Variants in RAB38 observed in about 807,000 individuals in gnomAD.
The protein encoded by RAB38 is ras-related protein Rab-38.
In RAB38, 15 loss-of-function variants were observed where a neutral mutation model predicts 18.4. The observed-to-expected ratio is 0.82, with a 90% CI of 0.55 to 1.26. The LOEUF (loss-of-function observed/expected upper bound fraction) is 1.26, where lower values mean the gene tolerates loss of function less well. Ranked by LOEUF, RAB38 falls within the 50% of genes most tolerant of loss-of-function variation. The pLI, the probability that RAB38 is intolerant of heterozygous loss-of-function variation, is 0.00. For missense variants in RAB38, 294 were observed against 267.4 expected (o/e 1.10, Z -0.69); for synonymous variants, 101 against 104.4 (o/e 0.97, Z 0.20).
chr11:88,083,540 T>C, the RAB38 span, among the ~76,000 whole-genome samples: 1 of 152,030 alleles, frequency 6.6e-6, no homozygotes, highest in South Asian at 2.1e-4. Flanking sequence ...CTCCCGATGA[T>C]AATATAAATT....
At chr11:87,880,017 G>T in the RAB38 span, 3 of 151,518 alleles carry the variant, frequency 2.0e-5, no homozygotes, top group African/African-American at 2.4e-5. Context: ...GAGAATAGTG[G>T]TACATAGTAA....
chr11:87,957,668 A>T, the RAB38 span, among the ~76,000 whole-genome samples: 1 of 152,106 alleles, frequency 6.6e-6, no homozygotes, highest in Non-Finnish European at 1.5e-5. Flanking sequence ...ACCTGCTTTC[A>T]GGGAAGGTAG....
chr11:88,026,106 A>C, the RAB38 span, among the ~76,000 whole-genome samples: 16 of 152,060 alleles, frequency 1.1e-4, no homozygotes, highest in African/African-American at 3.4e-4. Context: ...CTGGGATTAC[A>C]GGCACGCACC....
At chr11:87,814,734 C>CTT in the RAB38 span, among the ~76,000 whole-genome samples, 227 of 148,696 alleles carry the variant, frequency 1.5e-3, 4 homozygotes, top group Middle Eastern at 0.01. Context: ...TTTTCTTTTT[C>CTT]TTTTTCTTTT....
chr11:87,843,566 G>A, the RAB38 span, among the ~76,000 whole-genome samples: 1 of 152,104 alleles, frequency 6.6e-6, no homozygotes, highest in African/African-American at 2.4e-5. Flanking sequence ...CTAAGAAAAA[G>A]GAAGCACTAT....
the RAB38 span, among the ~76,000 whole-genome samples, chr11:87,833,986 A>C: frequency 6.6e-6 from 1 of 152,218 alleles, no homozygotes; most frequent in Non-Finnish European, 1.5e-5. Context: ...CTAATTACAT[A>C]GGCCCTTAAA....
At chr11:88,011,050 T>TACAGAG in the RAB38 span, among the ~76,000 whole-genome samples, 1 of 152,198 alleles carries the variant, frequency 6.6e-6, no homozygotes, top group Non-Finnish European at 1.5e-5. Flanking sequence ...CAGAGTCATT[T>TACAGAG]ACAGAGACAT....
chr11:88,164,657 T>C (rs575781494), intron 1 of RAB38, among the ~76,000 whole-genome samples: 109 of 152,248 alleles, frequency 7.2e-4, no homozygotes, highest in Non-Finnish European at 1.4e-3. Flanking sequence ...ATGGCTATTA[T>C]AACACTTATT....
chr11:87,808,540 G>C, the RAB38 span, among the ~76,000 whole-genome samples: 1 of 152,150 alleles, frequency 6.6e-6, no homozygotes, highest in Non-Finnish European at 1.5e-5. Flanking sequence ...AGGAGTGGAC[G>C]TGATGGTCAT....
intron 1 of RAB38, chr11:88,167,204 G>T (rs7950565): frequency 0.43 from 64,779 of 151,900 alleles, 13,942 homozygotes; most frequent in African/African-American, 0.47. Flanking sequence ...ACAAGAGGAA[G>T]GTGTTTTTTT....
the RAB38 span, among the ~76,000 whole-genome samples, chr11:87,952,417 T>C: frequency 2.6e-5 from 4 of 152,238 alleles, no homozygotes; most frequent in East Asian, 7.7e-4. Flanking sequence ...CTGAACAGGA[T>C]CTTGTTTCTT....
At chr11:88,078,941 A>AT in the RAB38 span, among the ~76,000 whole-genome samples, 1 of 151,986 alleles carries the variant, frequency 6.6e-6, no homozygotes, top group Non-Finnish European at 1.5e-5. Context: ...AGTTACATTG[A>AT]TTTTATCTTT....
At chr11:88,008,704 C>CGCTT in the RAB38 span, among the ~76,000 whole-genome samples, 1 of 152,168 alleles carries the variant, frequency 6.6e-6, no homozygotes, top group African/African-American at 2.4e-5. Flanking sequence ...GATGGAGTCT[C>CGCTT]GCTCTGTCGC....
the RAB38 span, among the ~76,000 whole-genome samples, chr11:87,925,309 C>A: frequency 6.6e-6 from 1 of 152,144 alleles, no homozygotes; most frequent in East Asian, 1.9e-4. Flanking sequence ...TTATCACCTG[C>A]CCAATTAATG....
the RAB38 span, among the ~76,000 whole-genome samples, chr11:88,029,640 T>A: frequency 6.6e-6 from 1 of 152,106 alleles, no homozygotes. Context: ...AGAAGGCCAT[T>A]ACATAATGGT....
chr11:87,935,691 G>A, the RAB38 span, among the ~76,000 whole-genome samples: 1 of 151,988 alleles, frequency 6.6e-6, no homozygotes, highest in African/African-American at 2.4e-5. Context: ...ATATAGCCAA[G>A]ATTTAGAACA....
chr11:88,008,675 C>CTTTTCT, the RAB38 span, among the ~76,000 whole-genome samples: 2 of 152,140 alleles, frequency 1.3e-5, no homozygotes, highest in Admixed American at 6.5e-5. Flanking sequence ...ATAACAGTTT[C>CTTTTCT]TTTTCTTTTT....
At chr11:87,878,301 C>CATCTATCAAT in the RAB38 span, among the ~76,000 whole-genome samples, 1 of 124,330 alleles carries the variant, frequency 8.0e-6, no homozygotes, top group Non-Finnish European at 1.8e-5. Flanking sequence ...TATCTATCTA[C>CATCTATCAAT]CTATCATCTA....
the RAB38 span, among the ~76,000 whole-genome samples, chr11:87,845,719 C>G: frequency 6.6e-6 from 1 of 151,966 alleles, no homozygotes; most frequent in Admixed American, 6.6e-5. Context: ...ATAATAAACT[C>G]AAAGACAGCA....
Sources: gnomAD v4.1 joint callset for allele counts (sites outside exome capture counted in the v4.1 genomes callset) on GRCh38, gnomAD v4.1.1 for gene constraint, MANE v1.5 for transcripts, NCBI Gene and HGNC (gene_info 2026-07-23, HGNC 2026-07-21) for gene names.